The following BNC2 variants were observed in gnomAD, a reference collection of about 807,000 sequenced individuals.
BNC2 encodes the protein zinc finger protein basonuclin-2.
A neutral mutation model predicts 76.3 loss-of-function variants in BNC2; 20 were observed. The ratio of observed to expected loss-of-function variants is 0.26; its 90% confidence interval spans 0.18 to 0.38. The LOEUF is 0.38. BNC2 is among the 10% of genes least tolerant of loss of function. The pLI is 1.00. For missense variants in BNC2, 1,382 were observed against 1,399.8 expected (o/e 0.99, Z 0.20); for synonymous variants, 582 against 514.8 (o/e 1.13, Z -1.77).
chr9:16,799,503 C>A (rs1359843868), intron 1 of BNC2, among the ~76,000 whole-genome samples: 1 of 151,976 alleles, frequency 6.6e-6, no homozygotes, highest in Non-Finnish European at 1.5e-5. Context: ...TTAGTAGAGA[C>A]AGGGTTTCAC....
chr9:16,472,039 A>T (rs1214928406), intron 5 of BNC2, among the ~76,000 whole-genome samples: 1 of 152,158 alleles, frequency 6.6e-6, no homozygotes, highest in Non-Finnish European at 1.5e-5. Context: ...AGGCCTTCCC[A>T]GTCATGTGGA....
At chr9:16,465,817 T>G (rs2131307763) in intron 5 of BNC2, among the ~76,000 whole-genome samples, 1 of 152,288 alleles carries the variant, frequency 6.6e-6, no homozygotes, top group East Asian at 1.9e-4. Context: ...TGCCTTCTTC[T>G]GGTTCTGGCC....
chr9:16,524,027 C>A (rs10756758), intron 5 of BNC2, among the ~76,000 whole-genome samples: 53,719 of 152,116 alleles, frequency 0.35, 12,336 homozygotes, highest in African/African-American at 0.66. Flanking sequence ...AAACAAAACA[C>A]CACCATATGA....
chr9:16,847,090 T>C (rs1027816962), intron 1 of BNC2, among the ~76,000 whole-genome samples: 3 of 152,296 alleles, frequency 2.0e-5, no homozygotes, highest in Middle Eastern at 6.8e-3. Flanking sequence ...CTGTAGCAGG[T>C]CCTCAAGATA....
intron 1 of BNC2, among the ~76,000 whole-genome samples, chr9:16,777,237 A>G (rs984016520): frequency 2.0e-5 from 3 of 152,204 alleles, no homozygotes; most frequent in Non-Finnish European, 2.9e-5. Context: ...TAGCCAAGGT[A>G]AATGGATGTG....
chr9:16,766,550 T>A (rs539519936), intron 1 of BNC2, among the ~76,000 whole-genome samples: 8 of 152,262 alleles, frequency 5.3e-5, no homozygotes, highest in Admixed American at 2.0e-4. Context: ...GCAATCTAAG[T>A]CCTTTTGTTT....
chr9:16,504,039 A>G (rs1286212384), intron 5 of BNC2, among the ~76,000 whole-genome samples: 1 of 152,168 alleles, frequency 6.6e-6, no homozygotes, highest in Non-Finnish European at 1.5e-5. Flanking sequence ...CAGCACCTAC[A>G]GGCAAGTCGG....
chr9:16,565,683 C>T (rs955897880), intron 4 of BNC2, among the ~76,000 whole-genome samples: 4 of 151,792 alleles, frequency 2.6e-5, no homozygotes, highest in African/African-American at 9.7e-5. Flanking sequence ...TGGTGCACAC[C>T]TATAATCTCA....
chr9:16,518,204 G>A (rs1297653776), intron 5 of BNC2, among the ~76,000 whole-genome samples: 1 of 152,194 alleles, frequency 6.6e-6, no homozygotes, highest in Non-Finnish European at 1.5e-5. Context: ...CAAGGCGGGA[G>A]GATCACTTAG....
At chr9:16,562,332 G>A (rs1819038661) in intron 4 of BNC2, among the ~76,000 whole-genome samples, 1 of 152,262 alleles carries the variant, frequency 6.6e-6, no homozygotes, top group South Asian at 2.1e-4. Context: ...TCCCTAGGAG[G>A]CGTCTTCACC....
At chr9:16,455,267 G>A (rs77470745) in intron 5 of BNC2, among the ~76,000 whole-genome samples, 1 of 152,202 alleles carries the variant, frequency 6.6e-6, no homozygotes, top group Admixed American at 6.5e-5. Context: ...GGGGCAGAGG[G>A]AGAAGTGGTA....
chr9:16,453,530 T>G (rs1821384851), intron 5 of BNC2, among the ~76,000 whole-genome samples: 1 of 152,214 alleles, frequency 6.6e-6, no homozygotes, highest in Admixed American at 6.5e-5. Flanking sequence ...CTAACTGGAT[T>G]ATTTTGATAG....
At chr9:16,533,681 T>A (rs1293932223) in intron 5 of BNC2, among the ~76,000 whole-genome samples, 1 of 152,156 alleles carries the variant, frequency 6.6e-6, no homozygotes, top group African/African-American at 2.4e-5. Context: ...CAATCTGTCG[T>A]TTATAAACTT....
chr9:16,594,064 AAT>A (rs1176845181), intron 3 of BNC2, among the ~76,000 whole-genome samples: 1 of 152,190 alleles, frequency 6.6e-6, no homozygotes, highest in Non-Finnish European at 1.5e-5. Context: ...TTACTAATAT[AAT>A]ATGATAGAGA....
At position 16,712,603 on chromosome 9, in the gene BNC2, A is replaced by C. The variant is rs185985706; in HGVS notation, c.330+15194T>G. On this transcript the variant is annotated intron_variant, in intron 3 of 6. Coordinates refer to ENST00000380672, the MANE Select transcript of BNC2 (RefSeq NM_017637.6). ...TTTTAGAAGTATTTTCGTGGAAGCA[A>C]AACAACACAACGGACACACACACTG... Among the ~76,000 whole-genome samples, 550 of 152,350 alleles carry C rather than the reference A, an allele frequency of 3.6e-3. 2 individuals are homozygous for C. Among genetic ancestry groups the C allele is most frequent in the Non-Finnish European group, 3.5e-3 (239 of 68,036 alleles).
chr9:16,784,886 T>C (rs1305815785), intron 1 of BNC2, among the ~76,000 whole-genome samples: 5 of 152,100 alleles, frequency 3.3e-5, no homozygotes, highest in African/African-American at 1.2e-4. Flanking sequence ...CAATGCAAAC[T>C]AAAACAATCT....
At chr9:16,420,263 T>C (rs183806237) in intron 6 of BNC2, among the ~76,000 whole-genome samples, 340 of 152,250 alleles carry the variant, frequency 2.2e-3, no homozygotes, top group Middle Eastern at 6.8e-3. Flanking sequence ...ATTAAGCAAT[T>C]TGAAATAGGG....
At chr9:16,770,788 C>A (rs1250293141) in intron 1 of BNC2, among the ~76,000 whole-genome samples, 5 of 152,018 alleles carry the variant, frequency 3.3e-5, no homozygotes, top group Non-Finnish European at 7.4e-5. Context: ...CGCTTGAACC[C>A]CAGGAGGTGA....
chr9:16,706,259 G>C (rs1003660230), intron 3 of BNC2, among the ~76,000 whole-genome samples: 2 of 152,096 alleles, frequency 1.3e-5, no homozygotes, highest in African/African-American at 4.8e-5. Context: ...GTCTTTTTCT[G>C]ATCATTCATC....
Sources: allele counts gnomAD v4.1 joint callset (sites outside exome capture counted in the v4.1 genomes callset), GRCh38; gene constraint gnomAD v4.1.1; transcripts MANE v1.5; gene names NCBI Gene and HGNC (gene_info 2026-07-23, HGNC 2026-07-21).